The following TCF12 variants were observed in gnomAD, a reference collection of about 807,000 sequenced individuals.
The protein encoded by TCF12 is DNA-binding protein HTF4.
Under a neutral mutation model 86.0 loss-of-function variants are expected in TCF12, and 45 were observed. The observed-to-expected ratio is 0.52, with a 90% CI of 0.41 to 0.67. The LOEUF is 0.67. Ranked by LOEUF, TCF12 falls within the 30% of genes least tolerant of loss-of-function variation. The probability of loss-of-function intolerance (pLI) is 0.00; values close to 1 mark genes in which losing one functional copy is unlikely to be tolerated. For missense variants in TCF12, 881 were observed against 859.9 expected, an observed-to-expected ratio of 1.02 and a Z score of -0.31; for synonymous variants, 330 against 299.6, an observed-to-expected ratio of 1.10 and a Z score of -1.05.
chr15:57,130,832 A>G (rs1452337383), intron 5 of TCF12, among the ~76,000 whole-genome samples: 1 of 152,214 alleles, frequency 6.6e-6, no homozygotes, highest in Non-Finnish European at 1.5e-5. Context: ...AGTTGTATGT[A>G]TTGCCTGAAT....
intron 3 of TCF12, among the ~76,000 whole-genome samples, chr15:56,985,772 C>T (rs1044530742): frequency 7.2e-5 from 11 of 152,094 alleles, no homozygotes; most frequent in East Asian, 1.9e-4. Flanking sequence ...ATTACAATAA[C>T]GTGTTTAATT....
intron 5 of TCF12, among the ~76,000 whole-genome samples, chr15:57,142,664 A>T (rs1220217755): frequency 1.3e-5 from 2 of 152,224 alleles, no homozygotes; most frequent in Non-Finnish European, 2.9e-5. Flanking sequence ...ATACCTTCTC[A>T]CAAAATGCTT....
intron 8 of TCF12, among the ~76,000 whole-genome samples, chr15:57,225,989 C>G (rs142237656): frequency 0.039 from 5,912 of 150,140 alleles, 357 homozygotes; most frequent in Admixed American, 0.16. Context: ...TTAGGTATAT[C>G]TCCTAATGCT....
At chr15:56,949,821 G>A (rs1382840589) in intron 3 of TCF12, among the ~76,000 whole-genome samples, 1 of 152,156 alleles carries the variant, frequency 6.6e-6, no homozygotes, top group Non-Finnish European at 1.5e-5. Flanking sequence ...AGTGTCATGG[G>A]GTTATAGAGG....
chr15:57,002,818 T>G (rs1230198029), intron 3 of TCF12, among the ~76,000 whole-genome samples: 2 of 152,232 alleles, frequency 1.3e-5, no homozygotes, highest in African/African-American at 2.4e-5. Flanking sequence ...TGTAGCAGTT[T>G]GCAGGTAATG....
At chr15:57,177,634 G>GAGAGAGAGAGAGAGAC (rs2056036987) in intron 6 of TCF12, among the ~76,000 whole-genome samples, 1 of 151,778 alleles carries the variant, frequency 6.6e-6, no homozygotes, top group East Asian at 2.0e-4. Flanking sequence ...GAGAGAGAGA[G>GAGAGAGAGAGAGAGAC]AGAGTTGGAT....
chr15:57,253,240 G>GTTTTTTT, intron 15 of TCF12, 22 bp from the exon 16 acceptor site: 1 of 1,413,964 alleles, frequency 7.1e-7, no homozygotes, highest in Non-Finnish European at 9.7e-7. Flanking sequence ...TAACCACCAT[G>GTTTTTTT]TTTTTTTTTT....
intron 5 of TCF12, among the ~76,000 whole-genome samples, chr15:57,123,968 C>CAACAAAAAA (rs1369376179): frequency 1.2e-5 from 1 of 81,076 alleles, no homozygotes. Context: ...GACTCCGTCT[C>CAACAAAAAA]AAAAAAAAAA....
intron 3 of TCF12, among the ~76,000 whole-genome samples, chr15:56,991,836 A>G (rs1301321460): frequency 3.3e-5 from 5 of 152,178 alleles, no homozygotes; most frequent in Non-Finnish European, 5.9e-5. Flanking sequence ...TGATTAATAC[A>G]TTGTACAAGG....
chr15:57,205,988 G>A (rs2057790539), intron 8 of TCF12, among the ~76,000 whole-genome samples: 1 of 152,154 alleles, frequency 6.6e-6, no homozygotes, highest in South Asian at 2.1e-4. Flanking sequence ...GAACATGGCT[G>A]CATTTCATTT....
intron 6 of TCF12, among the ~76,000 whole-genome samples, chr15:57,167,662 A>G (rs1326803813): frequency 6.6e-6 from 1 of 152,124 alleles, no homozygotes; most frequent in Non-Finnish European, 1.5e-5. Flanking sequence ...ATTCAGGATC[A>G]TATATTCCCA....
At chr15:56,993,562 G>A (rs1371938299) in intron 3 of TCF12, among the ~76,000 whole-genome samples, 1 of 152,146 alleles carries the variant, frequency 6.6e-6, no homozygotes, top group African/African-American at 2.4e-5. Flanking sequence ...GCTTGGAAAA[G>A]CAATACCATA....
intron 4 of TCF12, among the ~76,000 whole-genome samples, chr15:57,074,637 A>G (rs1448037920): frequency 6.6e-6 from 1 of 152,172 alleles, no homozygotes; most frequent in African/African-American, 2.4e-5. Context: ...CCTCCTGATT[A>G]GTTGGGATTA....
At chr15:57,042,740 A>G (rs1216817648) in intron 3 of TCF12, among the ~76,000 whole-genome samples, 1 of 152,114 alleles carries the variant, frequency 6.6e-6, no homozygotes, top group Non-Finnish European at 1.5e-5. Flanking sequence ...TTTCTTATGA[A>G]TTTTTAGGTC....
intron 18 of TCF12, among the ~76,000 whole-genome samples, chr15:57,269,269 C>A (rs1205986468): frequency 6.6e-6 from 1 of 151,074 alleles, no homozygotes; most frequent in African/African-American, 2.4e-5. Flanking sequence ...ATCCCTTTAC[C>A]ATTATGTAAT....
rs1473495940 is a variant in TCF12 at position 57,006,864 on chromosome 15, C to T, written c.149-56886C>T. On this transcript the variant is annotated intron_variant, in intron 3 of 20. Transcript: ENST00000333725. ...TAGGAGGCAGAGGGTTGCAGTGAGC[C>T]GAGATCGCACCACTGCACTTCAGCA... 5.3e-5 allele frequency among the ~76,000 whole-genome samples: 8 copies of T among 152,098 alleles called. No homozygotes were observed. The East Asian group carries it at 1.4e-3, about 26-fold the overall frequency.
chr15:57,094,777 A>T (rs1156394669), intron 5 of TCF12, among the ~76,000 whole-genome samples: 1 of 152,168 alleles, frequency 6.6e-6, no homozygotes, highest in African/African-American at 2.4e-5. Flanking sequence ...ATATAAAAAC[A>T]CCATTAAGTG....
intron 3 of TCF12, among the ~76,000 whole-genome samples, chr15:56,982,242 CTG>C (rs1450921738): frequency 6.6e-6 from 1 of 152,124 alleles, no homozygotes; most frequent in Non-Finnish European, 1.5e-5. Context: ...TAAAGAGTGA[CTG>C]TGATGAATAA....
intron 18 of TCF12, among the ~76,000 whole-genome samples, chr15:57,264,825 G>A (rs568356069): frequency 1.2e-4 from 18 of 152,122 alleles, no homozygotes; most frequent in Non-Finnish European, 2.1e-4. Context: ...TGCCTCCCGG[G>A]TTCAAGCAGT....
Sources: gnomAD v4.1 joint callset for allele counts (sites outside exome capture counted in the v4.1 genomes callset) on GRCh38, gnomAD v4.1.1 for gene constraint, MANE v1.5 for transcripts, NCBI Gene and HGNC (gene_info 2026-07-23, HGNC 2026-07-21) for gene names.